The following CAMK1D variants were observed in gnomAD, a reference collection of about 807,000 sequenced individuals.
The protein encoded by CAMK1D is calcium/calmodulin dependent protein kinase ID, also known as calcium/calmodulin-dependent protein kinase type 1D.
In CAMK1D, 9 loss-of-function variants were observed where a neutral mutation model predicts 47.7. That is an observed-to-expected ratio of 0.19 (90% CI 0.11 to 0.33). The LOEUF is 0.33. Ranked by LOEUF, CAMK1D falls within the 10% of genes least tolerant of loss-of-function variation. The probability of loss-of-function intolerance (pLI) is 1.00; values close to 1 mark genes in which losing one functional copy is unlikely to be tolerated. For synonymous variants in CAMK1D, 184 were observed against 184.9 expected (o/e 0.99, Z 0.04); for missense variants, 291 against 488.7 (o/e 0.60, Z 3.81).
At chr10:12,732,809 G>C (rs538705842) in intron 3 of CAMK1D, among the ~76,000 whole-genome samples, 9 of 152,060 alleles carry the variant, frequency 5.9e-5, no homozygotes, top group Middle Eastern at 3.4e-3. Context: ...ACTAGCATCC[G>C]ATAGGATCAC....
intron 3 of CAMK1D, among the ~76,000 whole-genome samples, chr10:12,708,690 A>G (rs1833820875): frequency 1.3e-5 from 2 of 152,212 alleles, no homozygotes; most frequent in South Asian, 4.1e-4. Context: ...CAGTATAAGC[A>G]TCATGGCCTT....
At chr10:12,356,126 C>T (rs796616246) in intron 1 of CAMK1D, among the ~76,000 whole-genome samples, 20 of 151,472 alleles carry the variant, frequency 1.3e-4, no homozygotes, top group Non-Finnish European at 2.7e-4. Context: ...AGTGAGACTC[C>T]GTCTCAAAAA....
At chr10:12,553,399 G>A (rs1459342023) in intron 2 of CAMK1D, 43 bp downstream of exon 2, 3 of 1,514,190 alleles carry the variant, frequency 2.0e-6, no homozygotes, top group African/African-American at 2.7e-5. Context: ...CTACCTCCTG[G>A]CCCGTGTGTC....
chr10:12,647,807 C>T (rs760929200), intron 2 of CAMK1D, among the ~76,000 whole-genome samples: 2 of 152,188 alleles, frequency 1.3e-5, no homozygotes, highest in Non-Finnish European at 1.5e-5. Context: ...GAGTTCTTGA[C>T]CTCAGAAATT....
chr10:12,532,059 C>T (rs1391043441), intron 1 of CAMK1D, among the ~76,000 whole-genome samples: 2 of 152,224 alleles, frequency 1.3e-5, no homozygotes, highest in African/African-American at 4.8e-5. Flanking sequence ...CCCAGCCCAT[C>T]ATTTCCAGTT....
intron 1 of CAMK1D, among the ~76,000 whole-genome samples, chr10:12,504,400 G>A (rs1053534041): frequency 2.0e-5 from 3 of 152,144 alleles, no homozygotes; most frequent in Admixed American, 6.5e-5. Flanking sequence ...GAGCACCAGT[G>A]TCCGAGGTCA....
At chr10:12,672,126 A>T (rs2132573110) in intron 3 of CAMK1D, among the ~76,000 whole-genome samples, 1 of 151,870 alleles carries the variant, frequency 6.6e-6, no homozygotes, top group South Asian at 2.1e-4. Context: ...CATGTTGGCC[A>T]GGATGGTCTT....
Position 12,406,973 on chromosome 10 carries a change from T to A in CAMK1D, c.92+57063T>A, listed in dbSNP as rs1432260582. ...ACATCTTGATACCGCAGACTTGCTT[T>A]CTTTCTAGGGAAGGCTCCCTCTGCT... On this transcript the variant is annotated intron_variant, in intron 1 of 10. Transcript: ENST00000619168. 2.6e-5 allele frequency among the ~76,000 whole-genome samples: 4 copies of A among 152,270 alleles called. No homozygotes were observed. In the East Asian group the frequency reaches 7.7e-4, roughly 29 times the overall value.
chr10:12,571,428 TGG>T lies in CAMK1D; in HGVS notation c.224+18074_224+18075del, dbSNP rs1472879767. Reference sequence around the variant, plus strand: ...CGCAACACTGCACTGCACTGCAGTCTGGGTGACAGAGGGAGACTCCATCACAA... The same window carrying T: ...CGCAACACTGCACTGCACTGCAGTCTGTGACAGAGGGAGACTCCATCACAA... On this transcript the variant is annotated intron_variant, in intron 2 of 10. Coordinates refer to ENST00000619168, the MANE Select transcript of CAMK1D (RefSeq NM_153498.4). Among the ~76,000 whole-genome samples, 12 of 117,748 alleles carry T rather than the reference TGG, an allele frequency of 1.0e-4. No individual in the cohort carries two copies. The Admixed American group carries it at 1.2e-3, about 12-fold the overall frequency. The allele number at this position is 117,748 out of a possible 152,430, so 77.2% of individuals were successfully genotyped here.
chr10:12,449,755 T>C (rs1012218608), intron 1 of CAMK1D, among the ~76,000 whole-genome samples: 2 of 152,134 alleles, frequency 1.3e-5, no homozygotes, highest in African/African-American at 2.4e-5. Flanking sequence ...CTATAATCAT[T>C]TGGGAGGCCT....
intron 1 of CAMK1D, among the ~76,000 whole-genome samples, chr10:12,379,609 C>T (rs762777198): frequency 1.3e-4 from 19 of 151,962 alleles, no homozygotes; most frequent in Non-Finnish European, 1.9e-4. Context: ...AAAAATTAGC[C>T]GGGCATGGTG....
chr10:12,388,654 T>C (rs923439798), intron 1 of CAMK1D, among the ~76,000 whole-genome samples: 5 of 152,202 alleles, frequency 3.3e-5, no homozygotes, highest in African/African-American at 9.7e-5. Flanking sequence ...GCACCTGACA[T>C]GCGTTTCAAA....
chr10:12,786,030 C>T (rs921901719), intron 5 of CAMK1D, among the ~76,000 whole-genome samples: 4 of 152,046 alleles, frequency 2.6e-5, no homozygotes, highest in Non-Finnish European at 5.9e-5. Flanking sequence ...ATATTTTCCA[C>T]GAATTTCCGT....
intron 2 of CAMK1D, among the ~76,000 whole-genome samples, chr10:12,660,122 A>G (rs1212360047): frequency 6.6e-6 from 1 of 152,238 alleles, no homozygotes; most frequent in Non-Finnish European, 1.5e-5. Context: ...TAGCAAGGAA[A>G]GGCATTTTGT....
chr10:12,512,006 C>T (rs542562103), intron 1 of CAMK1D, among the ~76,000 whole-genome samples: 1 of 152,308 alleles, frequency 6.6e-6, no homozygotes, highest in East Asian at 1.9e-4. Context: ...GTAAAGATAC[C>T]TGTCTGGTGT....
chr10:12,823,224 C>A (rs1833076760), intron 8 of CAMK1D, among the ~76,000 whole-genome samples: 1 of 152,166 alleles, frequency 6.6e-6, no homozygotes. Context: ...GTCAGTGTCT[C>A]AGGGGTGAGA....
chr10:12,573,451 G>C (rs568652484), intron 2 of CAMK1D, among the ~76,000 whole-genome samples: 7 of 152,194 alleles, frequency 4.6e-5, no homozygotes, highest in Non-Finnish European at 2.9e-5. Context: ...TGTGAGGCAG[G>C]ACATCATCAT....
At chr10:12,583,222 G>A (rs907259542) in intron 2 of CAMK1D, among the ~76,000 whole-genome samples, 1 of 152,174 alleles carries the variant, frequency 6.6e-6, no homozygotes, top group Non-Finnish European at 1.5e-5. Context: ...GACAGTTGTA[G>A]CTCTATCTAG....
At chr10:12,547,647 C>CCCCAACCCTGCG (rs1409042962) in intron 1 of CAMK1D, among the ~76,000 whole-genome samples, 1 of 112,268 alleles carries the variant, frequency 8.9e-6, no homozygotes, top group Admixed American at 8.9e-5. Context: ...ACACCCCCCC[C>CCCCAACCCTGCG]CCAACCCTGC....
Sources: gnomAD v4.1 joint callset for allele counts (sites outside exome capture counted in the v4.1 genomes callset) on GRCh38, gnomAD v4.1.1 for gene constraint, MANE v1.5 for transcripts, NCBI Gene and HGNC (gene_info 2026-07-23, HGNC 2026-07-21) for gene names.